Variants in CNNM2 observed in about 807,000 individuals in gnomAD.
CNNM2 encodes cyclin and CBS domain divalent metal cation transport mediator 2.
CNNM2 carries 12 observed loss-of-function variants against 66.9 expected under a neutral mutation model. The ratio of observed to expected loss-of-function variants is 0.18; its 90% CI spans 0.11 to 0.29. The LOEUF (loss-of-function observed/expected upper bound fraction) is 0.29, where lower values mean the gene tolerates loss of function less well. Ranked by LOEUF, CNNM2 falls within the 10% of genes least tolerant of loss-of-function variation. The probability of loss-of-function intolerance (pLI) is 1.00; values close to 1 mark genes in which losing one functional copy is unlikely to be tolerated. For missense variants in CNNM2, 705 were observed against 1,167.7 expected (o/e 0.60, Z 5.77); for synonymous variants, 557 against 501.8 (o/e 1.11, Z -1.47).
intron 4 of CNNM2, among the ~76,000 whole-genome samples, chr10:103,064,712 C>A (rs1357548816): frequency 6.6e-6 from 1 of 152,074 alleles, no homozygotes; most frequent in Non-Finnish European, 1.5e-5. Flanking sequence ...TGGTGGTGCA[C>A]ACCTGTAGTG....
chr10:102,992,273 C>CTTTTTTTTTTTTTTTTTTTTTTTT (rs35281835), intron 1 of CNNM2, among the ~76,000 whole-genome samples: 3 of 108,492 alleles, frequency 2.8e-5, no homozygotes, highest in Non-Finnish European at 5.5e-5. Flanking sequence ...CTCCAAGTTC[C>CTTTTTTTTTTTTTTTTTTTTTTTT]TTTTTTTTTT....
intron 1 of CNNM2, among the ~76,000 whole-genome samples, chr10:102,941,915 T>C (rs554601699): frequency 6.6e-6 from 1 of 152,376 alleles, no homozygotes; most frequent in East Asian, 1.9e-4. Context: ...TAATAGATAT[T>C]GTTGAATGAT....
intron 4 of CNNM2, among the ~76,000 whole-genome samples, chr10:103,065,850 G>A (rs1018199114): frequency 6.6e-6 from 1 of 152,194 alleles, no homozygotes; most frequent in African/African-American, 2.4e-5. Flanking sequence ...GGCTACTCCT[G>A]TGTGTGTTGC....
intron 1 of CNNM2, among the ~76,000 whole-genome samples, chr10:102,989,976 G>A (rs2063869115): frequency 1.4e-5 from 2 of 147,346 alleles, no homozygotes; most frequent in South Asian, 4.4e-4. Flanking sequence ...ACAGAGTCTG[G>A]CTCTGTCACC....
At chr10:103,052,288 AAAC>A (rs1469747536) in intron 2 of CNNM2, among the ~76,000 whole-genome samples, 15 of 150,414 alleles carry the variant, frequency 1.0e-4, no homozygotes, top group African/African-American at 3.5e-4. Context: ...TCAAAAAAAA[AAAC>A]AAAAAAAAAA....
chr10:102,975,316 T>C (rs1390270906), intron 1 of CNNM2, among the ~76,000 whole-genome samples: 2 of 152,014 alleles, frequency 1.3e-5, no homozygotes, highest in Admixed American at 6.6e-5. Flanking sequence ...ACATAACATG[T>C]TATCAAATTT....
intron 1 of CNNM2, among the ~76,000 whole-genome samples, chr10:102,944,321 G>C (rs1442710204): frequency 6.6e-6 from 1 of 151,896 alleles, no homozygotes; most frequent in Non-Finnish European, 1.5e-5. Flanking sequence ...TCAGGTGATC[G>C]CCTGCCTTGA....
At chr10:102,920,165 GTCC>G in intron 1 of CNNM2, 64 bp downstream of exon 1, 1 of 1,613,142 alleles carries the variant, frequency 6.2e-7, no homozygotes, top group Non-Finnish European at 8.5e-7. Flanking sequence ...CCCTACTTGA[GTCC>G]TCTACCCTCA....
chr10:102,999,283 C>T (rs868092028), intron 1 of CNNM2, among the ~76,000 whole-genome samples: 1 of 148,880 alleles, frequency 6.7e-6, no homozygotes. Context: ...GGGGTTTCAC[C>T]AGGTTAGCCA....
Position 102,956,288 on chromosome 10 carries a change from C to CA in CNNM2, c.1621+36207dup, listed in dbSNP as rs371126297. Among the ~76,000 whole-genome samples, 9,282 of 73,806 alleles carry CA rather than the reference C, an allele frequency of 0.13. 788 individuals are homozygous for CA. Among genetic ancestry groups the CA allele is most frequent in the East Asian group, 0.32 (923 of 2,876 alleles). 48.4% of individuals were successfully genotyped at this position (73,806 alleles called of 152,430 possible). On this transcript the variant is annotated intron_variant, in intron 1 of 7. Coordinates refer to ENST00000369878, the MANE Select transcript of CNNM2 (RefSeq NM_017649.5). ...GGGCAATAAGAGCAAGATTCCATCT[C>CA]AAAAAAAAAAAAAAAAAAAAGTCAG...
At chr10:102,977,162 A>G (rs982259323) in intron 1 of CNNM2, among the ~76,000 whole-genome samples, 3 of 152,190 alleles carry the variant, frequency 2.0e-5, no homozygotes, top group African/African-American at 4.8e-5. Context: ...TGATGGCCCA[A>G]TTGTGACAAG....
In CNNM2 at chr10:103,076,940, G is replaced by A. The variant is rs368939623; in HGVS notation, c.2419-31G>A. ...GAACCTAAAAATAAGCATTATCTTG[G>A]TTTGTTTTCTGTGCCATCTTCTGGC... On this transcript the variant is annotated intron_variant, in intron 7 of 7. Coordinates refer to ENST00000369878, the MANE Select transcript of CNNM2 (RefSeq NM_017649.5). 1.7e-4 allele frequency: 274 copies of A among 1,595,564 alleles called. No individual in the cohort carries two copies. In the African/African-American group the frequency reaches 2.4e-3, roughly 14 times the overall value.
intron 1 of CNNM2, among the ~76,000 whole-genome samples, chr10:103,042,696 G>A (rs182613388): frequency 1.6e-3 from 239 of 152,226 alleles, no homozygotes; most frequent in African/African-American, 5.3e-3. Context: ...TATATATTAT[G>A]TTCATATACA....
chr10:103,073,583 C>T (rs781398145), intron 6 of CNNM2, among the ~76,000 whole-genome samples: 3 of 152,096 alleles, frequency 2.0e-5, no homozygotes, highest in Non-Finnish European at 4.4e-5. Context: ...GAAAATGGGC[C>T]GGGCGCGGTG....
At chr10:102,933,168 A>G (rs1489710205) in intron 1 of CNNM2, among the ~76,000 whole-genome samples, 1 of 152,180 alleles carries the variant, frequency 6.6e-6, no homozygotes, top group Non-Finnish European at 1.5e-5. Flanking sequence ...ATTTCTGCAA[A>G]AAAAGGCAGT....
intron 2 of CNNM2, among the ~76,000 whole-genome samples, chr10:103,052,287 A>C (rs112066714): frequency 8.6e-5 from 13 of 150,420 alleles, no homozygotes; most frequent in Admixed American, 2.6e-4. Flanking sequence ...CTCAAAAAAA[A>C]AAACAAAAAA....
chr10:103,024,567 C>T (rs1055778268), intron 1 of CNNM2, among the ~76,000 whole-genome samples: 2 of 152,086 alleles, frequency 1.3e-5, no homozygotes, highest in African/African-American at 4.8e-5. Context: ...CAATCTCCGC[C>T]TCCCGGGTTC....
At chr10:102,963,472 T>G (rs1383689858) in intron 1 of CNNM2, among the ~76,000 whole-genome samples, 1 of 152,242 alleles carries the variant, frequency 6.6e-6, no homozygotes, top group Non-Finnish European at 1.5e-5. Flanking sequence ...CCAAACAATT[T>G]TTCTGTGTTT....
rs2066353705 is a variant in CNNM2 at position 103,090,154 on chromosome 10, T to G, written c.*12974T>G. The stretch of plus-strand genomic sequence containing the variant: ...AATTGGAAAAGATGGAGAGGGGAGT[T>G]TACTTTCTATTTTACAGCAAAAACA... On this transcript the variant is annotated 3_prime_UTR_variant, in exon 8 of 8. Transcript: ENST00000369878. The G allele has an allele frequency of 2.3e-6, 1 of 428,154 alleles. No homozygotes were observed. Among genetic ancestry groups the G allele is most frequent in the Non-Finnish European group, 4.1e-6 (1 of 242,702 alleles). The allele number at this position is 428,154 out of a possible 1,614,324, so 26.5% of individuals were successfully genotyped here. A position where few individuals can be genotyped will look rare whatever the true frequency, so the allele number is the denominator to read the frequency against.
Sources: gnomAD v4.1 joint callset for allele counts (sites outside exome capture counted in the v4.1 genomes callset) on GRCh38, gnomAD v4.1.1 for gene constraint, MANE v1.5 for transcripts, NCBI Gene and HGNC (gene_info 2026-07-23, HGNC 2026-07-21) for gene names.